ZNF317: variants seen among roughly 807,000 people sequenced by gnomAD.
The protein encoded by ZNF317 is zinc finger protein 317, also known as KRAB-containing zinc finger protein 317.
In ZNF317, 17 loss-of-function variants were observed where a neutral mutation model predicts 23.4. The ratio of observed to expected loss-of-function variants is 0.73; its 90% CI spans 0.50 to 1.09. ZNF317 has a LOEUF of 1.09. ZNF317 is among the 50% of genes least tolerant of loss of function. The pLI, the probability that ZNF317 is intolerant of heterozygous loss-of-function variation, is 0.00. For missense variants in ZNF317, 679 were observed against 796.7 expected (o/e 0.85, Z 1.78); for synonymous variants, 317 against 314.9 (o/e 1.01, Z -0.07).
Position 9,161,121 on chromosome 19 carries a change from C to T in ZNF317, c.1476C>T (p.His492=), listed in dbSNP as rs2050850291. The change falls in exon 7 of 7, where the codon CAC becomes CAT. Residue 492 remains histidine (H), a synonymous_variant. Coordinates refer to ENST00000247956, the MANE Select transcript of ZNF317 (RefSeq NM_020933.5). This position sits in a 1 kb window ranked among gnomAD's most constrained non-coding sequence, Gnocchi z 4.0. The stretch of plus-strand genomic sequence containing the variant: ...GTGACTATTTATCCCGGCGGAGGCA[C>T]ATGAGCGTTCACCTTGTAAAGAAAC... ...VFGDYLSRRR[H]MSVHLVKKRV... is the part of the protein sequence containing the mutation. The T allele has an allele frequency of 1.2e-6, 2 of 1,614,234 alleles. No homozygotes were observed. Among genetic ancestry groups the T allele is most frequent in the Non-Finnish European group, 1.7e-6 (2 of 1,180,050 alleles).
At position 9,160,658 on chromosome 19, in the gene ZNF317, A is replaced by G. The variant is rs147309643; in HGVS notation, c.1013A>G (p.Asp338Gly). 229 of 1,613,992 alleles carry G rather than the reference A, an allele frequency of 1.4e-4. No individual in the cohort carries two copies. Among genetic ancestry groups the G allele is most frequent in the Non-Finnish European group, 1.8e-4 (208 of 1,180,022 alleles). ...GGAGAGAGGCCCTACGAGTGTCACG[A>G]CTGTGGGAAAGCTTTCCAGCACCCC... Reference protein sequence around the residue: ...HTGERPYECHDCGKAFQHPSH... With the variant: ...HTGERPYECHGCGKAFQHPSH... Residue 338 changes from aspartate to glycine, a missense_variant, in exon 7 of 7, where the codon GAC (aspartate) becomes GGC (glycine). Physicochemically the swap from Asp to Gly is moderately conservative, Grantham distance 94 (BLOSUM62 -1). Transcript: ENST00000247956. The surrounding 1 kb of genome is among the most constrained non-coding windows in gnomAD (Gnocchi z 6.8).
chr19:9,148,588 T>G (rs1224432611), intron 1 of ZNF317, among the ~76,000 whole-genome samples: 1 of 152,228 alleles, frequency 6.6e-6, no homozygotes, highest in African/African-American at 2.4e-5. Context: ...TGTCTCAGTA[T>G]GAAGGCAAAT....
Position 9,162,553 on chromosome 19 carries a change from A to G in ZNF317, c.*1120A>G, listed in dbSNP as rs578191620. 1 of 126,536 alleles carries G rather than the reference A, an allele frequency of 7.9e-6. No individual in the cohort carries two copies. The highest frequency in any genetic ancestry group is 2.1e-4 in the East Asian group (1 of 4,826). 7.8% of individuals were successfully genotyped at this position (126,536 alleles called of 1,614,324 possible). A position where few individuals can be genotyped will look rare whatever the true frequency, so the allele number is the denominator to read the frequency against. ...AATACGGGATTGCACTTACTCTTTC[A>G]TCACGGAAACAGACCCCCCGAGAGA... On this transcript the variant is annotated 3_prime_UTR_variant, in exon 7 of 7. Transcript: ENST00000247956.
At chr19:9,151,849 C>T (rs934164300) in intron 1 of ZNF317, among the ~76,000 whole-genome samples, 10 of 151,298 alleles carry the variant, frequency 6.6e-5, no homozygotes, top group Non-Finnish European at 1.3e-4. Context: ...TGATAATGTC[C>T]TTGATGTTAA....
chr19:9,145,440 G>T (rs55917268), intron 1 of ZNF317, among the ~76,000 whole-genome samples: 1 of 151,768 alleles, frequency 6.6e-6, no homozygotes, highest in Non-Finnish European at 1.5e-5. Context: ...GTTTCTTAAT[G>T]GAGAGATATT....
At chr19:9,157,075 A>G (rs2050791817) in intron 3 of ZNF317, 193 bp from the exon 4 acceptor site, 1 of 696,264 alleles carries the variant, frequency 1.4e-6, no homozygotes. Flanking sequence ...AAGTGACGGC[A>G]CAGGACAAGA....
Position 9,160,508 on chromosome 19 carries a change from G to A in ZNF317, c.863G>A (p.Arg288Gln), listed in dbSNP as rs780771548. The A allele has an allele frequency of 2.5e-6, 4 of 1,614,178 alleles. No individual in the cohort carries two copies. The highest frequency in any genetic ancestry group is 1.7e-5 in the Admixed American group (1 of 60,022). Residue 288 changes from arginine (R) to glutamine (Q), a missense_variant, in exon 7 of 7, where the codon CGG becomes CAG. By Grantham distance (43) the Arg-to-Gln change is conservative. Coordinates refer to ENST00000247956, the MANE Select transcript of ZNF317 (RefSeq NM_020933.5). The surrounding 1 kb of genome is among the most constrained non-coding windows in gnomAD (Gnocchi z 6.8). ...FDCSQCGNAF[R>Q]TLSALKIHMR... ...TGCAGTCAGTGTGGAAATGCATTCC[G>A]GACCCTCTCGGCCCTGAAAATCCAC...
At position 9,160,395 on chromosome 19, in the gene ZNF317, C is replaced by T. The variant is rs141277819; in HGVS notation, c.750C>T (p.Tyr250=). 116 of 1,614,076 alleles carry T rather than the reference C, an allele frequency of 7.2e-5. No individual in the cohort carries two copies. The highest frequency in any genetic ancestry group is 9.6e-5 in the Non-Finnish European group (113 of 1,180,030). Residue 250 remains tyrosine, a synonymous_variant, in exon 7 of 7, where the codon TAC becomes TAT. Transcript: ENST00000247956. This position sits in a 1 kb window ranked among gnomAD's most constrained non-coding sequence, Gnocchi z 6.8. ...GAATCCACACCGGGGAGAAGCCTTA[C>T]GAGTGCAGCGACTGCGGGAAAGCCT... is the stretch of plus-strand genomic sequence containing the variant. ...HRRIHTGEKP[Y]ECSDCGKAFN... is the part of the protein sequence containing the mutation.
At chr19:9,143,423 C>T (rs1451866307) in intron 1 of ZNF317, among the ~76,000 whole-genome samples, 1 of 152,000 alleles carries the variant, frequency 6.6e-6, no homozygotes, top group Non-Finnish European at 1.5e-5. Context: ...TGTTGAATGC[C>T]TGTCACATCC....
chr19:9,160,272 C>T lies in ZNF317; in HGVS notation c.627C>T (p.Leu209=), dbSNP rs748401371. 1.2e-6 allele frequency: 2 copies of T among 1,614,198 alleles called. No homozygotes were observed. Among genetic ancestry groups the T allele is most frequent in the Non-Finnish European group, 8.5e-7 (1 of 1,180,032 alleles). ...YGVAFKGRPH[L]TQHMSMYDGR... The stretch of plus-strand genomic sequence containing the variant: ...TAGCGTTCAAGGGCAGGCCGCACCT[C>T]ACTCAGCACATGAGCATGTACGACG... The change falls in exon 7 of 7, where the codon CTC becomes CTT. Residue 209 remains leucine, a synonymous_variant. Transcript: ENST00000247956. This position sits in a 1 kb window ranked among gnomAD's most constrained non-coding sequence, Gnocchi z 6.8.
At position 9,160,583 on chromosome 19, in the gene ZNF317, AG is replaced by A. The variant is rs1217410433; in HGVS notation, c.940del (p.Ala314LeufsTer40). On this transcript the variant is annotated frameshift_variant, in exon 7 of 7. Transcript: ENST00000247956. LOFTEE classifies it low-confidence loss of function (END_TRUNC). The surrounding 1 kb of genome is among the most constrained non-coding windows in gnomAD (Gnocchi z 6.8). ...CCTTACAAGTGTGATCAGTGCGGGA[AG>A]GCTTACGGCCGGAGCTGCCACCTCA... The part of the protein sequence containing the change: ...ERPYKCDQCG[K>X]AYGRSCHLIA... 1 of 1,614,192 alleles carries A rather than the reference AG, an allele frequency of 6.2e-7. No homozygotes were observed.
In ZNF317 at chr19:9,160,814, A is replaced by G; in HGVS notation, c.1169A>G (p.Tyr390Cys). ...AAGAACCACATGGTGGAGAAGACCT[A>G]CGAATGTAAAGAATGCGGGAAATCC... ...HKKNHMVEKT[Y>C]ECKECGKSFG... Residue 390 changes from tyrosine (Y) to cysteine (C), a missense_variant, in exon 7 of 7, where the codon TAC (tyrosine) becomes TGC (cysteine). Physicochemically the swap from Tyr to Cys is radical, Grantham distance 194 (BLOSUM62 -2). Coordinates refer to ENST00000247956, the MANE Select transcript of ZNF317 (RefSeq NM_020933.5). This position sits in a 1 kb window ranked among gnomAD's most constrained non-coding sequence, Gnocchi z 6.8. 6.2e-7 allele frequency: 1 copy of G among 1,614,184 alleles called. No individual in the cohort carries two copies. The highest frequency in any genetic ancestry group is 8.5e-7 in the Non-Finnish European group (1 of 1,180,028).
At chr19:9,151,387 A>G (rs1307424536) in intron 1 of ZNF317, among the ~76,000 whole-genome samples, 3 of 152,236 alleles carry the variant, frequency 2.0e-5, no homozygotes, top group Non-Finnish European at 4.4e-5. Flanking sequence ...AAACAATTCC[A>G]ATAGCAGAAA....
rs57588267 is a variant in ZNF317, at chr19:9,151,907, C to CT, written c.-92-4001dup. On this transcript the variant is annotated intron_variant, in intron 1 of 6. Coordinates refer to ENST00000247956, the MANE Select transcript of ZNF317 (RefSeq NM_020933.5). ...ACCAGTGAAGCCCCTTGGTCCTGGA[C>CT]TTTTTTTTTTTTTTTTTGAGACGGA... 4.0e-3 allele frequency among the ~76,000 whole-genome samples: 514 copies of CT among 128,776 alleles called. 11 individuals carry two copies. Among genetic ancestry groups the CT allele is most frequent in the East Asian group, 0.033 (146 of 4,446 alleles). 84.5% of individuals were successfully genotyped at this position (128,776 alleles called of 152,430 possible).
At chr19:9,145,175 G>T (rs758618452) in intron 1 of ZNF317, among the ~76,000 whole-genome samples, 1 of 152,150 alleles carries the variant, frequency 6.6e-6, no homozygotes, top group African/African-American at 2.4e-5. Flanking sequence ...CTACTGAGTC[G>T]CTGGGATTAC....
In ZNF317 at chr19:9,161,319, C is replaced by T. The variant is rs1398768125; in HGVS notation, c.1674C>T (p.Tyr558=). The change falls in exon 7 of 7, where the codon TAC becomes TAT. Residue 558 remains tyrosine (Y), a synonymous_variant. Coordinates refer to ENST00000247956, the MANE Select transcript of ZNF317 (RefSeq NM_020933.5). This position sits in a 1 kb window ranked among gnomAD's most constrained non-coding sequence, Gnocchi z 4.0. ...HRRIHTGEKP[Y]ECLVCGKAFS... ...GGATCCACACCGGGGAGAAGCCCTACGAATGCCTTGTCTGCGGGAAAGCCT... is the reference window on the plus strand; with the variant it reads ...GGATCCACACCGGGGAGAAGCCCTATGAATGCCTTGTCTGCGGGAAAGCCT... The T allele has an allele frequency of 7.4e-6, 12 of 1,613,886 alleles. No individual in the cohort carries two copies. Among genetic ancestry groups the T allele is most frequent in the Admixed American group, 3.3e-5 (2 of 59,996 alleles).
At position 9,157,981 on chromosome 19, in the gene ZNF317, G is replaced by C; in HGVS notation, c.291G>C (p.Gly97=). The C allele has an allele frequency of 1.3e-6, 2 of 1,551,426 alleles. No individual in the cohort carries two copies. Among genetic ancestry groups the C allele is most frequent in the Non-Finnish European group, 1.7e-6 (2 of 1,146,848 alleles). Residue 97 remains glycine, a splice_region_variant and synonymous_variant, in exon 5 of 7, where the codon GGG becomes GGC. Transcript: ENST00000247956. ...LENYSNLTSL[G]YQVGKPSLIS... ...CCTGTGTCTTTCCCGTGAGTGTAGG[G>C]TATCAGGTCGGCAAACCCAGCCTCA...
chr19:9,151,792 C>T (rs1361741443), intron 1 of ZNF317, among the ~76,000 whole-genome samples: 1 of 152,084 alleles, frequency 6.6e-6, no homozygotes, highest in South Asian at 2.1e-4. Flanking sequence ...CTATCACATA[C>T]ATGATTTGCA....
In ZNF317 at chr19:9,147,040, G is replaced by A. The variant is rs115227570; in HGVS notation, c.-93+6448G>A. Among the ~76,000 whole-genome samples the A allele has an allele frequency of 2.6e-3, 403 of 152,246 alleles. 2 individuals carry two copies. Among genetic ancestry groups the A allele is most frequent in the African/African-American group, 8.9e-3 (369 of 41,558 alleles). ...GGTGAGGTTTGTGAGTGCAGAGCCA[G>A]GGAGCCACTCGCTCTGAGCCAACCT... On this transcript the variant is annotated intron_variant, in intron 1 of 6. Transcript: ENST00000247956.
Sources: gnomAD v4.1 joint callset for allele counts (sites outside exome capture counted in the v4.1 genomes callset) on GRCh38, gnomAD v4.1.1 for gene constraint, Gnocchi (gnomAD v3.1) non-coding constraint, MANE v1.5 for transcripts, NCBI Gene and HGNC (gene_info 2026-07-23, HGNC 2026-07-21) for gene names.